The following RCAN2 variants were observed in gnomAD, a reference collection of about 807,000 sequenced individuals.
RCAN2 encodes regulator of calcineurin 2, also known as calcipressin-2.
RCAN2 carries 9 observed loss-of-function variants against 23.6 expected under a neutral mutation model. The ratio of observed to expected loss-of-function variants is 0.38; its 90% CI spans 0.23 to 0.67. The LOEUF is 0.67. Among genes scored for constraint, RCAN2 ranks in the 30% least tolerant of loss-of-function variants. The pLI is 0.51. For synonymous variants in RCAN2, 109 were observed against 115.7 expected, an observed-to-expected ratio of 0.94 and a Z score of 0.37; for missense variants, 273 against 302.3, an observed-to-expected ratio of 0.90 and a Z score of 0.72.
At chr6:46,288,199 A>G (rs1488842515) in intron 2 of RCAN2, among the ~76,000 whole-genome samples, 1 of 152,242 alleles carries the variant, frequency 6.6e-6, no homozygotes, top group African/African-American at 2.4e-5. Flanking sequence ...TGCACAAACG[A>G]TAGAAGGCTG....
At chr6:46,422,181 T>C (rs1527703) in intron 2 of RCAN2, among the ~76,000 whole-genome samples, 62,145 of 151,914 alleles carry the variant, frequency 0.41, 15,680 homozygotes, top group East Asian at 0.6. Context: ...GAGTTCTCAC[T>C]GTTAGTTCCT....
intron 2 of RCAN2, among the ~76,000 whole-genome samples, chr6:46,260,536 G>A (rs1375406916): frequency 6.6e-6 from 1 of 152,160 alleles, no homozygotes; most frequent in Non-Finnish European, 1.5e-5. Context: ...GTAGGGGCAG[G>A]TGACAAGAGA....
intron 2 of RCAN2, among the ~76,000 whole-genome samples, chr6:46,342,041 C>A (rs1764336372): frequency 6.6e-6 from 1 of 151,890 alleles, no homozygotes; most frequent in Non-Finnish European, 1.5e-5. Flanking sequence ...ATGGAGGGCA[C>A]CTTTGGAAAT....
intron 2 of RCAN2, among the ~76,000 whole-genome samples, chr6:46,436,352 A>G (rs1469086425): frequency 1.3e-5 from 2 of 152,210 alleles, no homozygotes; most frequent in African/African-American, 2.4e-5. Context: ...AGCTGGGATT[A>G]CAGGCGCGTG....
intron 4 of RCAN2, among the ~76,000 whole-genome samples, chr6:46,242,511 C>G (rs1213441783): frequency 2.0e-5 from 3 of 152,182 alleles, no homozygotes; most frequent in Non-Finnish European, 4.4e-5. Context: ...CCTTCTCAAT[C>G]ACTCTGCTCT....
intron 1 of RCAN2, among the ~76,000 whole-genome samples, chr6:46,463,726 T>A (rs993604798): frequency 5.3e-5 from 8 of 152,296 alleles, no homozygotes; most frequent in African/African-American, 1.9e-4. Flanking sequence ...AAATAACCTG[T>A]CTCTATTTTT....
intron 2 of RCAN2, among the ~76,000 whole-genome samples, chr6:46,414,309 T>C (rs965078045): frequency 3.9e-5 from 6 of 152,172 alleles, no homozygotes; most frequent in Admixed American, 3.9e-4. Context: ...AAAGGCCTTG[T>C]AAAGTGTGGT....
intron 2 of RCAN2, among the ~76,000 whole-genome samples, chr6:46,410,730 A>T (rs1337273529): frequency 6.6e-6 from 1 of 152,234 alleles, no homozygotes; most frequent in Non-Finnish European, 1.5e-5. Context: ...TGTGAAAAAA[A>T]TCCCATCTTA....
chr6:46,374,100 T>G, intron 2 of RCAN2, among the ~76,000 whole-genome samples: 1 of 152,244 alleles, frequency 6.6e-6, no homozygotes, highest in East Asian at 1.9e-4. Flanking sequence ...ATGTCTTACT[T>G]ATCTTGATTT....
chr6:46,354,883 G>A (rs895728117), intron 2 of RCAN2, among the ~76,000 whole-genome samples: 3 of 149,800 alleles, frequency 2.0e-5, no homozygotes, highest in African/African-American at 7.4e-5. Context: ...GACTTCTCAG[G>A]AAAAAGATTA....
chr6:46,226,198 A>C (rs1000312750), intron 4 of RCAN2, among the ~76,000 whole-genome samples: 1 of 152,178 alleles, frequency 6.6e-6, no homozygotes, highest in Non-Finnish European at 1.5e-5. Context: ...GACTTGTAGT[A>C]TAGTTTGAAG....
chr6:46,408,284 G>T (rs1285903905), intron 2 of RCAN2, among the ~76,000 whole-genome samples: 1 of 152,144 alleles, frequency 6.6e-6, no homozygotes, highest in African/African-American at 2.4e-5. Context: ...CCGATATGAG[G>T]CTAAACAGCT....
At chr6:46,346,121 C>T (rs1400912594) in intron 2 of RCAN2, among the ~76,000 whole-genome samples, 1 of 151,828 alleles carries the variant, frequency 6.6e-6, no homozygotes, top group Non-Finnish European at 1.5e-5. Flanking sequence ...AAAATATATT[C>T]CTCTGAATAA....
intron 2 of RCAN2, among the ~76,000 whole-genome samples, chr6:46,320,203 T>C (rs368532950): frequency 2.6e-5 from 4 of 152,186 alleles, no homozygotes; most frequent in East Asian, 1.9e-4. Flanking sequence ...CTTACCCTAG[T>C]GCTCGCAAAA....
At chr6:46,261,470 G>T (rs1484907354) in intron 2 of RCAN2, among the ~76,000 whole-genome samples, 1 of 152,106 alleles carries the variant, frequency 6.6e-6, no homozygotes, top group Non-Finnish European at 1.5e-5. Flanking sequence ...ACTTTAAAAG[G>T]TTGCTGAGCA....
chr6:46,308,634 T>C (rs1169774059), intron 2 of RCAN2, among the ~76,000 whole-genome samples: 2 of 152,100 alleles, frequency 1.3e-5, no homozygotes, highest in Non-Finnish European at 2.9e-5. Flanking sequence ...CACTTGCAAC[T>C]ATGTCATATA....
At chr6:46,490,880 C>T (rs1320606682) in intron 1 of RCAN2, among the ~76,000 whole-genome samples, 3 of 152,240 alleles carry the variant, frequency 2.0e-5, no homozygotes, top group Admixed American at 2.0e-4. Flanking sequence ...GGGCCACGGG[C>T]AGTGGGGAAG....
chr6:46,409,706 T>C (rs1010187303), intron 2 of RCAN2, among the ~76,000 whole-genome samples: 5 of 152,242 alleles, frequency 3.3e-5, no homozygotes, highest in Non-Finnish European at 5.9e-5. Context: ...CCATCATACA[T>C]TCTTTTAATT....
intron 2 of RCAN2, among the ~76,000 whole-genome samples, chr6:46,301,452 T>C (rs796959822): frequency 2.6e-5 from 4 of 151,992 alleles, no homozygotes; most frequent in African/African-American, 9.7e-5. Flanking sequence ...GACAATCAAA[T>C]CCTCTCTGGC....
Sources: allele counts gnomAD v4.1 joint callset (sites outside exome capture counted in the v4.1 genomes callset), GRCh38; gene constraint gnomAD v4.1.1; transcripts MANE v1.5; gene names NCBI Gene and HGNC (gene_info 2026-07-23, HGNC 2026-07-21).